Variants in ROBO2 observed in about 807,000 individuals in gnomAD.
ROBO2 encodes the protein roundabout homolog 2.
In ROBO2, 53 loss-of-function variants were observed where a neutral mutation model predicts 160.8. That is an observed-to-expected ratio of 0.33 (90% CI 0.26 to 0.41). The LOEUF is 0.41. Ranked by LOEUF, ROBO2 falls within the 10% of genes least tolerant of loss-of-function variation. The pLI, the probability that ROBO2 is intolerant of heterozygous loss-of-function variation, is 1.00. For synonymous variants in ROBO2, 664 were observed against 611.7 expected, an observed-to-expected ratio of 1.09 and a Z score of -1.26; for missense variants, 1,577 against 1,722.4, an observed-to-expected ratio of 0.92 and a Z score of 1.49.
intron 2 of ROBO2, among the ~76,000 whole-genome samples, chr3:76,325,362 A>G (rs1345661803): frequency 6.6e-6 from 1 of 152,226 alleles, no homozygotes; most frequent in Non-Finnish European, 1.5e-5. Flanking sequence ...GCATTTCTAT[A>G]TATGGCAATA....
At chr3:77,487,994 G>C (rs2085587899) in intron 4 of ROBO2, among the ~76,000 whole-genome samples, 1 of 152,088 alleles carries the variant, frequency 6.6e-6, no homozygotes, top group African/African-American at 2.4e-5. Flanking sequence ...TAACTTAAGA[G>C]ATACTATGCA....
At chr3:76,811,711 A>T (rs2065168758) in intron 2 of ROBO2, among the ~76,000 whole-genome samples, 4 of 151,968 alleles carry the variant, frequency 2.6e-5, no homozygotes, top group Non-Finnish European at 5.9e-5. Flanking sequence ...TCAAGACTTC[A>T]TGCCTATATC....
intron 2 of ROBO2, among the ~76,000 whole-genome samples, chr3:75,998,847 T>A (rs577368548): frequency 6.6e-6 from 1 of 152,334 alleles, no homozygotes; most frequent in African/African-American, 2.4e-5. Context: ...CTTAGCCTCA[T>A]CTTCTTCATT....
At chr3:77,217,290 A>C (rs920724470) in intron 2 of ROBO2, among the ~76,000 whole-genome samples, 1 of 152,030 alleles carries the variant, frequency 6.6e-6, no homozygotes, top group African/African-American at 2.4e-5. Flanking sequence ...CCACAGGTGC[A>C]CATCACCACG....
At chr3:76,848,095 ACCT>A (rs1314802753) in intron 2 of ROBO2, among the ~76,000 whole-genome samples, 2 of 151,980 alleles carry the variant, frequency 1.3e-5, no homozygotes, top group Admixed American at 1.3e-4. Context: ...AGAAAAAAAC[ACCT>A]CATCTCTTTC....
chr3:76,496,650 C>T (rs897257606), intron 2 of ROBO2, among the ~76,000 whole-genome samples: 1 of 152,126 alleles, frequency 6.6e-6, no homozygotes, highest in Non-Finnish European at 1.5e-5. Flanking sequence ...CCCTAGAGTC[C>T]TTCCCCAGTT....
intron 2 of ROBO2, among the ~76,000 whole-genome samples, chr3:76,699,071 C>A (rs529371159): frequency 6.6e-6 from 1 of 152,250 alleles, no homozygotes; most frequent in South Asian, 2.1e-4. Context: ...ACAAATATAA[C>A]TGTAATTTAA....
chr3:76,022,829 C>G (rs140059678), intron 2 of ROBO2, among the ~76,000 whole-genome samples: 1 of 151,704 alleles, frequency 6.6e-6, no homozygotes, highest in Non-Finnish European at 1.5e-5. Context: ...GAGTGTCACC[C>G]TGTCCTTTGA....
intron 16 of ROBO2, among the ~76,000 whole-genome samples, chr3:77,581,861 T>A (rs1008571069): frequency 6.6e-6 from 1 of 152,204 alleles, no homozygotes; most frequent in African/African-American, 2.4e-5. Flanking sequence ...ATTGTAATTA[T>A]GGATTTATGT....
At chr3:76,420,721 A>G (rs1436609425) in intron 2 of ROBO2, among the ~76,000 whole-genome samples, 1 of 152,168 alleles carries the variant, frequency 6.6e-6, no homozygotes, top group Non-Finnish European at 1.5e-5. Flanking sequence ...TTTTTCCCTA[A>G]GAGATTCCAA....
intron 2 of ROBO2, among the ~76,000 whole-genome samples, chr3:77,141,708 T>G (rs2076721390): frequency 6.6e-6 from 1 of 152,096 alleles, no homozygotes; most frequent in Admixed American, 6.6e-5. Context: ...TAAAAAGCAG[T>G]CCAGAAAGTG....
At chr3:77,538,251 T>C (rs1277393925) in intron 6 of ROBO2, among the ~76,000 whole-genome samples, 2 of 143,580 alleles carry the variant, frequency 1.4e-5, no homozygotes, top group Non-Finnish European at 3.0e-5. Flanking sequence ...CGATCTCGGC[T>C]CACTGCAAGC....
At chr3:77,182,434 AGAG>A in intron 2 of ROBO2, among the ~76,000 whole-genome samples, 1 of 152,124 alleles carries the variant, frequency 6.6e-6, no homozygotes, top group Non-Finnish European at 1.5e-5. Context: ...GCACAGTAAT[AGAG>A]GCATGTGCAA....
chr3:77,446,333 A>G (rs186376377), intron 2 of ROBO2, among the ~76,000 whole-genome samples: 19 of 152,154 alleles, frequency 1.2e-4, no homozygotes, highest in African/African-American at 4.6e-4. Flanking sequence ...TTCTCATATG[A>G]TAATGTTTTG....
chr3:77,366,237 G>T (rs927492037), intron 2 of ROBO2, among the ~76,000 whole-genome samples: 2 of 152,060 alleles, frequency 1.3e-5, no homozygotes, highest in Admixed American at 1.3e-4. Context: ...TTCTGGTCAG[G>T]GTGCATCTTC....
intron 2 of ROBO2, among the ~76,000 whole-genome samples, chr3:76,537,886 G>T (rs2082597475): frequency 6.6e-6 from 1 of 152,058 alleles, no homozygotes; most frequent in African/African-American, 2.4e-5. Context: ...GGGTCACAAG[G>T]TGCATGGTGG....
In ROBO2 at chr3:77,596,745, G is replaced by A. The variant is rs746630273; in HGVS notation, c.2849G>A (p.Arg950His). The A allele has an allele frequency of 1.8e-5, 29 of 1,613,280 alleles. No individual in the cohort carries two copies. Among genetic ancestry groups the A allele is most frequent in the Middle Eastern group, 1.6e-4 (1 of 6,076 alleles). The change falls in exon 19 of 26, where the codon CGT (arginine) becomes CAT (histidine). Residue 950 changes from arginine to histidine, a missense_variant. By Grantham distance (29) the Arg-to-His change is conservative (BLOSUM62 0). This residue lies in a region of ROBO2 where 637 missense variants were observed against 586.9 expected (regional missense o/e 1.09). Transcript: ENST00000461745. ...CCAAATGAGATTGGAAATTTTGGCCGTGGAGGTAAGTTGTGTTTTTTAAAA... is the reference window on the plus strand; with the variant it reads ...CCAAATGAGATTGGAAATTTTGGCCATGGAGGTAAGTTGTGTTTTTTAAAA...
intron 2 of ROBO2, among the ~76,000 whole-genome samples, chr3:77,352,531 G>C (rs1284288384): frequency 6.6e-6 from 1 of 151,842 alleles, no homozygotes; most frequent in Non-Finnish European, 1.5e-5. Context: ...GCTACGACAT[G>C]CTTTTCTTGT....
At chr3:76,293,066 T>C (rs1028320975) in intron 2 of ROBO2, among the ~76,000 whole-genome samples, 1 of 152,046 alleles carries the variant, frequency 6.6e-6, no homozygotes, top group Non-Finnish European at 1.5e-5. Flanking sequence ...TTATATTTTA[T>C]AAATACAAGG....
Sources: gnomAD v4.1 joint callset for allele counts (sites outside exome capture counted in the v4.1 genomes callset) on GRCh38, gnomAD v4.1.1 for gene constraint, gnomAD v4.1.1 regional missense constraint, MANE v1.5 for transcripts, NCBI Gene and HGNC (gene_info 2026-07-23, HGNC 2026-07-21) for gene names.